The following MTA3 variants were observed in gnomAD, a reference collection of about 807,000 sequenced individuals.
The protein encoded by MTA3 is metastasis associated 1 family member 3, also known as metastasis-associated protein MTA3.
MTA3 carries 34 observed loss-of-function variants against 83.5 expected under a neutral mutation model. The observed-to-expected ratio is 0.41, with a 90% CI of 0.31 to 0.54. The LOEUF is 0.54. MTA3 is among the 20% of genes least tolerant of loss of function. The probability of loss-of-function intolerance (pLI) is 0.33; values close to 1 mark genes in which losing one functional copy is unlikely to be tolerated. For synonymous variants in MTA3, 303 were observed against 252.7 expected (o/e 1.20, Z -1.89); for missense variants, 761 against 726.4 (o/e 1.05, Z -0.55).
intron 9 of MTA3, among the ~76,000 whole-genome samples, chr2:42,683,448 A>G (rs1332441353): frequency 3.3e-5 from 5 of 152,164 alleles, no homozygotes; most frequent in Non-Finnish European, 5.9e-5. Context: ...TGTGGAAGAC[A>G]GTTTTTCCAT....
At chr2:42,627,392 T>C (rs944415613) in intron 4 of MTA3, among the ~76,000 whole-genome samples, 1 of 152,130 alleles carries the variant, frequency 6.6e-6, no homozygotes, top group African/African-American at 2.4e-5. Flanking sequence ...GTCCTAATTA[T>C]ATTAGGGAAA....
At chr2:42,567,844 T>A (rs1677991590), upstream of MTA3, among the ~76,000 whole-genome samples, 1 of 152,110 alleles carries the variant, frequency 6.6e-6, no homozygotes, top group Non-Finnish European at 1.5e-5. Flanking sequence ...TGTTCCCCCA[T>A]GGACAAAGGA....
chr2:42,625,676 G>A (rs1240046324), intron 4 of MTA3, among the ~76,000 whole-genome samples: 1 of 148,972 alleles, frequency 6.7e-6, no homozygotes, highest in Non-Finnish European at 1.5e-5. Flanking sequence ...GAACCCGGGA[G>A]GCGGAGGTTG....
At chr2:42,750,904 C>A (rs538206064) in intron 16 of MTA3, among the ~76,000 whole-genome samples, 8 of 152,312 alleles carry the variant, frequency 5.3e-5, no homozygotes, top group African/African-American at 1.4e-4. Flanking sequence ...GCCTTTAACT[C>A]CTCTTCCTTG....
At chr2:42,616,937 GCTTTTT>G (rs1201663898) in intron 4 of MTA3, among the ~76,000 whole-genome samples, 3 of 152,062 alleles carry the variant, frequency 2.0e-5, no homozygotes, top group African/African-American at 7.2e-5. Context: ...TAGATTTCGT[GCTTTTT>G]CTTTTTTTTG....
In MTA3 at chr2:42,645,623, C is replaced by G. The variant is rs555969868; in HGVS notation, c.499+1379C>G. On this transcript the variant is annotated intron_variant, in intron 6 of 16. Transcript: ENST00000405094. ...AGTCTTAGTGGCGTAGATAGAATAT[C>G]AAACCACCAAGAACATTCCTTTAAA... Among the ~76,000 whole-genome samples the G allele has an allele frequency of 4.6e-5, 7 of 152,274 alleles. No individual in the cohort carries two copies. The East Asian group carries it at 1.3e-3, about 29-fold the overall frequency.
chr2:42,548,816 T>TATATATATAAA (rs1558428160), intron 2 of MTA3, among the ~76,000 whole-genome samples: 1 of 35,156 alleles, frequency 2.8e-5, no homozygotes, highest in Admixed American at 5.5e-4. Context: ...AAAAAATATA[T>TATATATATAAA]ATATATATAT....
At chr2:42,554,141 C>T (rs959777189) in intron 2 of MTA3, among the ~76,000 whole-genome samples, 11 of 150,478 alleles carry the variant, frequency 7.3e-5, no homozygotes, top group African/African-American at 1.5e-4. Context: ...AGCTGAGGTA[C>T]GGGAATCGCT....
intron 4 of MTA3, among the ~76,000 whole-genome samples, chr2:42,620,190 C>T (rs113106703): frequency 0.014 from 2,060 of 150,024 alleles, 46 homozygotes; most frequent in African/African-American, 0.047. Flanking sequence ...GTGATCTTGG[C>T]TCACTGCAAC....
chr2:42,548,560 G>C (rs1676865706), intron 2 of MTA3, among the ~76,000 whole-genome samples: 1 of 151,316 alleles, frequency 6.6e-6, no homozygotes, highest in Non-Finnish European at 1.5e-5. Flanking sequence ...GGAAGGCTGA[G>C]GCGAGAGGAT....
intron 3 of MTA3, among the ~76,000 whole-genome samples, chr2:42,605,021 C>G (rs1463896340): frequency 3.3e-5 from 5 of 150,796 alleles, no homozygotes; most frequent in African/African-American, 9.7e-5. Context: ...ATTTCTCAAT[C>G]TTTTCCCCAC....
At chr2:42,703,754 G>C (rs1665808269) in intron 11 of MTA3, 1 of 155,810 alleles carries the variant, frequency 6.4e-6, no homozygotes, top group Non-Finnish European at 1.4e-5. Flanking sequence ...GCCGGGCGTG[G>C]CGGCGGGCGC....
At chr2:42,568,537 T>G (rs1166028193), upstream of MTA3, 1 of 242,248 alleles carries the variant, frequency 4.1e-6, no homozygotes, top group Admixed American at 5.9e-5. Context: ...CTTGCTAGCC[T>G]GGCGCTGGGG....
chr2:42,641,817 G>A (rs905708759), intron 5 of MTA3, among the ~76,000 whole-genome samples: 2 of 151,954 alleles, frequency 1.3e-5, no homozygotes, highest in African/African-American at 4.8e-5. Flanking sequence ...AGTGAGCCGA[G>A]ATCGCGCTAC....
At chr2:42,649,493 A>G (rs1573471028) in intron 6 of MTA3, among the ~76,000 whole-genome samples, 1 of 152,260 alleles carries the variant, frequency 6.6e-6, no homozygotes, top group African/African-American at 2.4e-5. Context: ...GTTATATTGT[A>G]TGCACTTAAA....
chr2:42,650,888 T>G (rs1021546260), intron 6 of MTA3, among the ~76,000 whole-genome samples: 4 of 152,240 alleles, frequency 2.6e-5, no homozygotes, highest in South Asian at 2.1e-4. Context: ...CTAATTCTTT[T>G]GTGGCCATGC....
chr2:42,536,905 C>T (rs542786383), intron 2 of MTA3, among the ~76,000 whole-genome samples: 22 of 150,994 alleles, frequency 1.5e-4, no homozygotes, highest in Middle Eastern at 3.4e-3. Flanking sequence ...CCTCATGTCC[C>T]ATGTTTGACC....
intron 8 of MTA3, among the ~76,000 whole-genome samples, chr2:42,671,189 T>A (rs1690760433): frequency 6.6e-6 from 1 of 152,212 alleles, no homozygotes; most frequent in Admixed American, 6.5e-5. Context: ...ATAATTAGAA[T>A]AAATTTTTGT....
chr2:42,733,020 G>T (rs761038308), intron 16 of MTA3, among the ~76,000 whole-genome samples: 1 of 152,136 alleles, frequency 6.6e-6, no homozygotes, highest in Admixed American at 6.6e-5. Flanking sequence ...ACATTTTCCT[G>T]ACTTCTTCTG....
Sources: gnomAD v4.1 joint callset for allele counts (sites outside exome capture counted in the v4.1 genomes callset) on GRCh38, gnomAD v4.1.1 for gene constraint, MANE v1.5 for transcripts, NCBI Gene and HGNC (gene_info 2026-07-23, HGNC 2026-07-21) for gene names.